The following ELL2 variants were observed in gnomAD, a reference collection of about 807,000 sequenced individuals.
The protein encoded by ELL2 is RNA polymerase II elongation factor ELL2.
A neutral mutation model predicts 72.8 loss-of-function variants in ELL2; 21 were observed. That is an observed-to-expected ratio of 0.29 (90% confidence interval 0.20 to 0.42). The LOEUF (loss-of-function observed/expected upper bound fraction) is 0.42. Among genes scored for constraint, ELL2 ranks in the 10% least tolerant of loss-of-function variants. The pLI is 1.00. For synonymous variants in ELL2, 266 were observed against 283.2 expected, an observed-to-expected ratio of 0.94 and a Z score of 0.61; for missense variants, 568 against 772.8, an observed-to-expected ratio of 0.73 and a Z score of 3.14.
chr5:95,935,290 T>C (rs546054458), intron 2 of ELL2, among the ~76,000 whole-genome samples: 6 of 152,336 alleles, frequency 3.9e-5, no homozygotes, highest in African/African-American at 1.4e-4. Context: ...TGTTGTATAT[T>C]ATTCCACTAA....
intron 2 of ELL2, among the ~76,000 whole-genome samples, chr5:95,924,775 C>T (rs759866858): frequency 1.2e-4 from 18 of 152,176 alleles, no homozygotes; most frequent in Non-Finnish European, 2.2e-4. Context: ...GAAAAAGTTT[C>T]AGGAAACTTT....
intron 3 of ELL2, among the ~76,000 whole-genome samples, chr5:95,915,874 G>A (rs552660959): frequency 1.3e-5 from 2 of 152,178 alleles, no homozygotes; most frequent in East Asian, 3.9e-4. Context: ...ACATCACAAA[G>A]GGCTCTGAGG....
chr5:95,960,922 C>T (rs1751817529), intron 1 of ELL2, among the ~76,000 whole-genome samples: 1 of 151,732 alleles, frequency 6.6e-6, no homozygotes, highest in African/African-American at 2.4e-5. Context: ...CCAGTGTGCG[C>T]CGCCCCCTTA....
intron 2 of ELL2, among the ~76,000 whole-genome samples, chr5:95,926,685 G>C (rs1260785250): frequency 6.6e-6 from 1 of 152,098 alleles, no homozygotes; most frequent in Non-Finnish European, 1.5e-5. Flanking sequence ...CTAATACTGA[G>C]ATTTCCTATT....
At chr5:95,906,838 C>G in intron 4 of ELL2, 56 bp from the exon 5 acceptor site, 1 of 1,471,122 alleles carries the variant, frequency 6.8e-7, no homozygotes, top group Admixed American at 2.3e-5. Flanking sequence ...ATATGAGCAC[C>G]TCAGTTTCCA....
chr5:95,900,019 G>T (rs1346731479), intron 7 of ELL2, among the ~76,000 whole-genome samples: 1 of 152,162 alleles, frequency 6.6e-6, no homozygotes, highest in Non-Finnish European at 1.5e-5. Flanking sequence ...AAGACACTGT[G>T]TCAGCAGTAC....
intron 5 of ELL2, among the ~76,000 whole-genome samples, chr5:95,904,008 C>G (rs1385645807): frequency 6.6e-6 from 1 of 152,214 alleles, no homozygotes; most frequent in Non-Finnish European, 1.5e-5. Flanking sequence ...ATATTAGGCT[C>G]TTTAAGTAGT....
In ELL2 at chr5:95,961,780, CGCG is replaced by C; in HGVS notation, c.-62_-60del. On this transcript the variant is annotated 5_prime_UTR_variant, in exon 1 of 12. Coordinates refer to ENST00000237853, the MANE Select transcript of ELL2 (RefSeq NM_012081.6). Reference sequence around the variant, plus strand: ...CTCCGGCTCTAGCCTCCACTGCGGCCGCGGCTGCTTGGGCTTCTGCAGCCGCCG... The same window carrying C: ...CTCCGGCTCTAGCCTCCACTGCGGCCGCTGCTTGGGCTTCTGCAGCCGCCG... 6.6e-7 allele frequency: 1 copy of C among 1,505,718 alleles called. No individual in the cohort carries two copies. Among genetic ancestry groups the C allele is most frequent in the East Asian group, 2.6e-5 (1 of 38,960 alleles). 93.3% of individuals were successfully genotyped at this position (1,505,718 alleles called of 1,614,324 possible). A position where few individuals can be genotyped will look rare whatever the true frequency, so the allele number is the denominator to read the frequency against.
intron 4 of ELL2, among the ~76,000 whole-genome samples, chr5:95,910,430 T>G (rs2270554): frequency 0.37 from 56,800 of 151,912 alleles, 11,959 homozygotes; most frequent in African/African-American, 0.58. Flanking sequence ...TATCGGTGAA[T>G]TAGAAGCAGT....
At chr5:95,931,371 A>G (rs192876823) in intron 2 of ELL2, among the ~76,000 whole-genome samples, 115 of 152,288 alleles carry the variant, frequency 7.6e-4, no homozygotes, top group Middle Eastern at 3.4e-3. Flanking sequence ...TGATAATACA[A>G]AGACAATATT....
At chr5:95,924,398 T>C (rs773171354) in intron 2 of ELL2, among the ~76,000 whole-genome samples, 24 of 152,254 alleles carry the variant, frequency 1.6e-4, no homozygotes, top group Admixed American at 7.2e-4. Context: ...TTTTGAGGTC[T>C]GATTTTGAAA....
chr5:95,935,763 A>T (rs968256275), intron 2 of ELL2, among the ~76,000 whole-genome samples: 3 of 152,202 alleles, frequency 2.0e-5, no homozygotes, highest in African/African-American at 7.2e-5. Flanking sequence ...AGATTTGAAT[A>T]ATGGCCTCAC....
chr5:95,927,745 A>C (rs374569891), intron 2 of ELL2, among the ~76,000 whole-genome samples: 2 of 78,690 alleles, frequency 2.5e-5, no homozygotes, highest in Non-Finnish European at 4.6e-5. Context: ...ACACACACAC[A>C]TATGTGTGTA....
intron 1 of ELL2, among the ~76,000 whole-genome samples, chr5:95,950,869 G>A (rs1183616383): frequency 8.1e-6 from 1 of 123,230 alleles, no homozygotes; most frequent in Non-Finnish European, 1.7e-5. Context: ...TACATGCCAA[G>A]TTTTATTTAT....
intron 2 of ELL2, among the ~76,000 whole-genome samples, chr5:95,933,380 T>C (rs1561507983): frequency 1.3e-5 from 2 of 152,142 alleles, no homozygotes; most frequent in Admixed American, 1.3e-4. Flanking sequence ...AAACCATACA[T>C]GTAATAGGAG....
chr5:95,888,992 A>G lies in ELL2; in HGVS notation c.1807-5T>C, dbSNP rs1561486274. On this transcript the variant is annotated splice_polypyrimidine_tract_variant and splice_region_variant and intron_variant, in intron 11 of 11. Transcript: ENST00000237853. ...TTCATGGTAATTGGGACTAGACTGC[A>G]GATGAAAAAAAAAAAAAAAAAAGAG... is the stretch of plus-strand genomic sequence containing the variant. The G allele has an allele frequency of 2.8e-6, 4 of 1,446,116 alleles. No homozygotes were observed. Among genetic ancestry groups the G allele is most frequent in the Non-Finnish European group, 2.8e-6 (3 of 1,055,306 alleles). The allele number at this position is 1,446,116 out of a possible 1,614,324, so 89.6% of individuals were successfully genotyped here. A position where few individuals can be genotyped will look rare whatever the true frequency, so the allele number is the denominator to read the frequency against.
chr5:95,894,389 C>CA (rs1325530358), intron 9 of ELL2, among the ~76,000 whole-genome samples: 13 of 152,108 alleles, frequency 8.5e-5, no homozygotes, highest in African/African-American at 2.9e-4. Context: ...AAAAAGAATT[C>CA]AAAAAAGAAC....
intron 4 of ELL2, among the ~76,000 whole-genome samples, chr5:95,907,603 C>G (rs1749425545): frequency 1.3e-5 from 2 of 152,038 alleles, no homozygotes; most frequent in African/African-American, 4.8e-5. Flanking sequence ...GTGAAGCTAT[C>G]CAGACATGCC....
intron 5 of ELL2, among the ~76,000 whole-genome samples, chr5:95,902,427 C>T (rs975892021): frequency 6.6e-6 from 1 of 152,176 alleles, no homozygotes; most frequent in Admixed American, 6.5e-5. Flanking sequence ...ACTGCAATTC[C>T]TAGAGTTTCG....
Sources: allele counts gnomAD v4.1 joint callset (sites outside exome capture counted in the v4.1 genomes callset), GRCh38; gene constraint gnomAD v4.1.1; transcripts MANE v1.5; gene names NCBI Gene and HGNC (gene_info 2026-07-23, HGNC 2026-07-21).